SUPT6H: variants seen among roughly 807,000 people sequenced by gnomAD.
SUPT6H encodes the protein transcription elongation factor SPT6.
SUPT6H carries 11 observed loss-of-function variants against 222.3 expected under a neutral mutation model. That is an observed-to-expected ratio of 0.05 (90% CI 0.03 to 0.08). SUPT6H has a LOEUF of 0.08. Among genes scored for constraint, SUPT6H ranks in the 10% least tolerant of loss-of-function variants. SUPT6H has a pLI of 1.00. For missense variants in SUPT6H, 1,422 were observed against 2,216.0 expected, an observed-to-expected ratio of 0.64 and a Z score of 7.19; for synonymous variants, 762 against 801.2, an observed-to-expected ratio of 0.95 and a Z score of 0.83.
intron 11 of SUPT6H, among the ~76,000 whole-genome samples, chr17:28,680,340 G>C (rs974124064): frequency 1.3e-5 from 2 of 150,574 alleles, no homozygotes; most frequent in Non-Finnish European, 2.9e-5. Context: ...GCTCACACCT[G>C]TAATCCCAGC....
chr17:28,698,156 A>G (rs1047753174), intron 32 of SUPT6H, 126 bp downstream of exon 32: 1 of 1,318,348 alleles, frequency 7.6e-7, no homozygotes, highest in African/African-American at 1.5e-5. Context: ...TCTGTTTAGA[A>G]CAGAGGTGGA....
intron 21 of SUPT6H, 141 bp from the exon 22 acceptor site, chr17:28,686,946 GA>G: frequency 6.7e-7 from 1 of 1,482,992 alleles, no homozygotes; most frequent in Non-Finnish European, 9.1e-7. Flanking sequence ...TTCAGATTGG[GA>G]GTCCCAGAAA....
chr17:28,683,155 T>G (rs1291060851), intron 15 of SUPT6H, 63 bp downstream of exon 15: 1 of 1,563,856 alleles, frequency 6.4e-7, no homozygotes, highest in East Asian at 2.3e-5. Flanking sequence ...TTGCCTGAGT[T>G]TCTTGCCTTC....
At position 28,676,166 on chromosome 17, in the gene SUPT6H, A is replaced by G. The variant is rs2030735441; in HGVS notation, c.633A>G (p.Gln211=). The G allele has an allele frequency of 1.3e-6, 2 of 1,592,404 alleles. No homozygotes were observed. Among genetic ancestry groups the G allele is most frequent in the Non-Finnish European group, 1.7e-6 (2 of 1,169,656 alleles). ...KLPGYTDAAL[Q]EAQEIFGVDF... ...TTGCTGCCACCTACAGGGCCCTGCA[A>G]GAAGCCCAGGAAATCTTCGGTGTGG... The change falls in exon 7 of 37, where the codon CAA becomes CAG. Residue 211 remains glutamine (Q), a synonymous_variant. Coordinates refer to ENST00000314616, the MANE Select transcript of SUPT6H (RefSeq NM_003170.5).
rs9892089 is a variant in SUPT6H, at chr17:28,675,384, A to G, written c.539-17A>G. On this transcript the variant is annotated splice_polypyrimidine_tract_variant and intron_variant, in intron 5 of 36. Transcript: ENST00000314616. ...AGCCCCTGACTCTGAGCCCCAACCC[A>G]TCCTTTTCCTACCCAGATATTGACG... is the stretch of plus-strand genomic sequence containing the variant. The G allele has an allele frequency of 0.77, 1,236,307 of 1,613,612 alleles. 474,999 individuals are homozygous for G. Among genetic ancestry groups the G allele is most frequent in the South Asian group, 0.85 (77,630 of 91,076 alleles).
chr17:28,675,420 G>A lies in SUPT6H; in HGVS notation c.558G>A (p.Val186=). ...DEESDIDDFI[V]DDDGQPLKKP... is the part of the protein sequence containing the mutation. ...ACCCAGATATTGACGACTTCATTGT[G>A]GATGATGATGGACAGCCTCTGAAAA... The change falls in exon 6 of 37, where the codon GTG becomes GTA. Residue 186 remains valine (V), a synonymous_variant. Coordinates refer to ENST00000314616, the MANE Select transcript of SUPT6H (RefSeq NM_003170.5). 1 of 1,614,136 alleles carries A rather than the reference G, an allele frequency of 6.2e-7. No individual in the cohort carries two copies.
At position 28,695,512 on chromosome 17, in the gene SUPT6H, A is replaced by G; in HGVS notation, c.3935A>G (p.Gln1312Arg). 1.2e-6 allele frequency: 2 copies of G among 1,614,132 alleles called. No individual in the cohort carries two copies. Among genetic ancestry groups the G allele is most frequent in the South Asian group, 2.2e-5 (2 of 91,078 alleles). ...DFDAEAADHK[Q>R]EEDMKRKQQR... ...GATGCTGAAGCTGCAGACCACAAGC[A>G]GGAGGAGGACATGAAGCGGAAGCAG... The change falls in exon 29 of 37, where the codon CAG becomes CGG. Residue 1312 changes from glutamine to arginine, a missense_variant. Physicochemically the swap from Gln to Arg is conservative, Grantham distance 43. This residue lies in a region of SUPT6H where 395 missense variants were observed against 580.6 expected (regional missense o/e 0.68). Coordinates refer to ENST00000314616, the MANE Select transcript of SUPT6H (RefSeq NM_003170.5).
chr17:28,683,512 A>C, intron 16 of SUPT6H, 90 bp downstream of exon 16: 1 of 1,587,040 alleles, frequency 6.3e-7, no homozygotes, highest in Non-Finnish European at 8.6e-7. Flanking sequence ...GGGGAACCAC[A>C]ATTTCAGAGT....
chr17:28,690,240 G>T lies in SUPT6H; in HGVS notation c.3490+11G>T. On this transcript the variant is annotated intron_variant, in intron 26 of 36. Transcript: ENST00000314616. Reference sequence around the variant, plus strand: ...AGACCTTCTACATTGGTAAATTCTGGGGTCATTTTTTTATTGGGGGCAGGA... The same window carrying T: ...AGACCTTCTACATTGGTAAATTCTGTGGTCATTTTTTTATTGGGGGCAGGA... 6.2e-7 allele frequency: 1 copy of T among 1,612,736 alleles called. No individual in the cohort carries two copies. The highest frequency in any genetic ancestry group is 8.5e-7 in the Non-Finnish European group (1 of 1,179,372).
chr17:28,688,075 C>T lies in SUPT6H; in HGVS notation c.3007-16C>T, dbSNP rs776304356. On this transcript the variant is annotated splice_polypyrimidine_tract_variant and intron_variant, in intron 23 of 36. Coordinates refer to ENST00000314616, the MANE Select transcript of SUPT6H (RefSeq NM_003170.5). The surrounding 1 kb of genome is among the most constrained non-coding windows in gnomAD (Gnocchi z 4.3). Reference sequence around the variant, plus strand: ...GCCTGCTTACTGCCCTGGCTCAGTCCAGCTCTCTCCCCCAGATCCTGAAGC... The same window carrying T: ...GCCTGCTTACTGCCCTGGCTCAGTCTAGCTCTCTCCCCCAGATCCTGAAGC... The T allele has an allele frequency of 1.9e-6, 3 of 1,604,132 alleles. No homozygotes were observed. Among genetic ancestry groups the T allele is most frequent in the Admixed American group, 1.7e-5 (1 of 59,138 alleles).
rs771746099 is a variant in SUPT6H at position 28,681,363 on chromosome 17, G to A, written c.1457G>A (p.Arg486His). The part of the protein sequence containing the change: ...PKMQNAAKAS[R>H]KKLKRVREEG... ...ATGCAGAACGCCGCCAAAGCTAGCCGCAAGAAGCTGAAGCGTGTCAGGGAA... is the reference window on the plus strand; with the variant it reads ...ATGCAGAACGCCGCCAAAGCTAGCCACAAGAAGCTGAAGCGTGTCAGGGAA... Residue 486 changes from arginine to histidine, a missense_variant, in exon 12 of 37, where the codon CGC becomes CAC. By Grantham distance (29) the Arg-to-His change is conservative (BLOSUM62 0). Coordinates refer to ENST00000314616, the MANE Select transcript of SUPT6H (RefSeq NM_003170.5). 81 of 1,611,792 alleles carry A rather than the reference G, an allele frequency of 5.0e-5. No individual in the cohort carries two copies. Among genetic ancestry groups the A allele is most frequent in the Non-Finnish European group, 6.2e-5 (73 of 1,179,224 alleles).
intron 1 of SUPT6H, among the ~76,000 whole-genome samples, chr17:28,663,741 A>G (rs1372017065): frequency 6.6e-6 from 1 of 150,940 alleles, no homozygotes; most frequent in Non-Finnish European, 1.5e-5. Context: ...ATTTCCATTC[A>G]TAGATTTCTA....
chr17:28,701,112 C>G lies in SUPT6H; in HGVS notation c.4978C>G (p.Arg1660Gly), dbSNP rs573341819. ...QPQPSSSSRQ[R>G]QQQPKSNSHA... ...CCAGCCCTCTTCCAGCTCCCGGCAACGGCAGCAGCAGCCAAAGTAAGTATC... is the reference window on the plus strand; with the variant it reads ...CCAGCCCTCTTCCAGCTCCCGGCAAGGGCAGCAGCAGCCAAAGTAAGTATC... The change falls in exon 36 of 37, where the codon CGG becomes GGG. Residue 1660 changes from arginine to glycine, a missense_variant. Arg to Gly is a moderately radical substitution (Grantham distance 125). Transcript: ENST00000314616. 1.2e-6 allele frequency: 2 copies of G among 1,610,358 alleles called. No homozygotes were observed. Among genetic ancestry groups the G allele is most frequent in the Non-Finnish European group, 1.7e-6 (2 of 1,179,168 alleles).
chr17:28,667,433 A>ATATATATATG (rs1325898517), intron 1 of SUPT6H, among the ~76,000 whole-genome samples: 6 of 134,916 alleles, frequency 4.4e-5, no homozygotes, highest in South Asian at 2.4e-4. Flanking sequence ...ATATATATAT[A>ATATATATATG]TATGTATGTG....
intron 31 of SUPT6H, 73 bp downstream of exon 31, chr17:28,697,806 G>A: frequency 6.2e-7 from 1 of 1,607,298 alleles, no homozygotes; most frequent in Non-Finnish European, 8.5e-7. Flanking sequence ...TCAGTATAGG[G>A]GACACTCAGG....
At chr17:28,675,258 C>A in intron 5 of SUPT6H, 96 bp downstream of exon 5, 2 of 1,487,858 alleles carry the variant, frequency 1.3e-6, no homozygotes, top group Non-Finnish European at 1.8e-6. Context: ...AGCTACATCC[C>A]CCAGCATTTG....
rs1312525730 is a variant in SUPT6H at position 28,688,850 on chromosome 17, G to A, written c.3135-504G>A. 1 of 161,952 alleles carries A rather than the reference G, an allele frequency of 6.2e-6. No individual in the cohort carries two copies. The highest frequency in any genetic ancestry group is 1.3e-5 in the Non-Finnish European group (1 of 74,350). 10.0% of individuals were successfully genotyped at this position (161,952 alleles called of 1,614,324 possible). On this transcript the variant is annotated intron_variant, in intron 24 of 36. Transcript: ENST00000314616. The surrounding 1 kb of genome is among the most constrained non-coding windows in gnomAD (Gnocchi z 4.3). The stretch of plus-strand genomic sequence containing the variant: ...ATAACATAGGTCCATGTGAGTGCAC[G>A]GGCAAGACCAGCCTGGGAAGGCTTT...
chr17:28,666,995 T>G (rs976185904), intron 1 of SUPT6H, among the ~76,000 whole-genome samples: 3 of 152,164 alleles, frequency 2.0e-5, no homozygotes, highest in Non-Finnish European at 4.4e-5. Flanking sequence ...AAGTAGACTC[T>G]AAATACTTTT....
At chr17:28,700,803 C>G (rs1035907389) in intron 35 of SUPT6H, 138 bp from the exon 36 acceptor site, 1 of 1,143,398 alleles carries the variant, frequency 8.7e-7, no homozygotes, top group African/African-American at 1.5e-5. Flanking sequence ...AGGCTTCCCA[C>G]TGCTGGTCAG....
Sources: allele counts gnomAD v4.1 joint callset (sites outside exome capture counted in the v4.1 genomes callset), GRCh38; gene constraint gnomAD v4.1.1; regional missense constraint gnomAD v4.1.1; non-coding constraint Gnocchi (gnomAD v3.1); transcripts MANE v1.5; gene names NCBI Gene and HGNC (gene_info 2026-07-23, HGNC 2026-07-21).